SV2C: variants seen among roughly 807,000 people sequenced by gnomAD.
SV2C encodes the protein synaptic vesicle glycoprotein 2C, also known as solute carrier family 22 member B3.
In SV2C, 49 loss-of-function variants were observed where a neutral mutation model predicts 79.7. That is an observed-to-expected ratio of 0.61 (90% confidence interval 0.49 to 0.78). SV2C has a LOEUF of 0.78. SV2C is among the 30% of genes least tolerant of loss of function. The pLI, the probability that SV2C is intolerant of heterozygous loss-of-function variation, is 0.00. For missense variants in SV2C, 833 were observed against 912.9 expected, an observed-to-expected ratio of 0.91 and a Z score of 1.13; for synonymous variants, 334 against 333.2, an observed-to-expected ratio of 1.00 and a Z score of -0.03.
chr5:75,976,508 AG>A, the SV2C span, among the ~76,000 whole-genome samples: 1 of 151,188 alleles, frequency 6.6e-6, no homozygotes, highest in Non-Finnish European at 1.5e-5. Flanking sequence ...TAACAATAAC[AG>A]GCTTTCAGAC....
At chr5:76,338,980 AG>A (rs1161863121) in intron 12 of SV2C, among the ~76,000 whole-genome samples, 1 of 144,518 alleles carries the variant, frequency 6.9e-6, no homozygotes, top group African/African-American at 2.9e-5. Flanking sequence ...AAGTACCCTC[AG>A]GCTTGGGCAT....
Position 76,314,309 on chromosome 5 carries a change from C to T in SV2C, c.2001-11055C>T, listed in dbSNP as rs113624493. Among the ~76,000 whole-genome samples, 68 of 152,316 alleles carry T rather than the reference C, an allele frequency of 4.5e-4. 1 individual carries two copies. The highest frequency in any genetic ancestry group is 3.4e-3 in the Middle Eastern group (1 of 294). ...AGGGAGCACTGGTCTTCAGTCCTCT[C>T]TGCTGTCCTTTGGGTCCCTTTCCAC... On this transcript the variant is annotated intron_variant, in intron 12 of 12. Coordinates refer to ENST00000502798, the MANE Select transcript of SV2C (RefSeq NM_014979.4).
chr5:76,302,176 T>C (rs1299500164), intron 12 of SV2C, among the ~76,000 whole-genome samples: 2 of 152,216 alleles, frequency 1.3e-5, no homozygotes, highest in Non-Finnish European at 2.9e-5. Flanking sequence ...TTAGCCCACA[T>C]TTTAAGTGGC....
chr5:76,127,005 C>T (rs1244702649), intron 1 of SV2C, among the ~76,000 whole-genome samples: 2 of 152,190 alleles, frequency 1.3e-5, no homozygotes, highest in East Asian at 3.9e-4. Flanking sequence ...AACGGATTAG[C>T]CATTATTATT....
chr5:75,966,097 G>A, the SV2C span, among the ~76,000 whole-genome samples: 1 of 152,184 alleles, frequency 6.6e-6, no homozygotes, highest in African/African-American at 2.4e-5. Context: ...TTATTGATTA[G>A]CTGCCTTCAA....
rs748677235 is a variant in SV2C at position 76,209,765 on chromosome 5, C to T, written c.791C>T (p.Ser264Leu). The change falls in exon 4 of 13, where the codon TCG (serine) becomes TTG (leucine). Residue 264 changes from serine to leucine, a missense_variant. Physicochemically the swap from Ser to Leu is moderately radical, Grantham distance 145. Coordinates refer to ENST00000502798, the MANE Select transcript of SV2C (RefSeq NM_014979.4). ...GIGGAIPTVF[S>L]YFAEVLAREK... is the part of the protein sequence containing the mutation. Reference sequence around the variant, plus strand: ...GGAGGAGCCATACCCACTGTGTTCTCGTACTTTGCTGAAGTCCTGGCCCGG... The same window carrying T: ...GGAGGAGCCATACCCACTGTGTTCTTGTACTTTGCTGAAGTCCTGGCCCGG... 4.4e-5 allele frequency: 71 copies of T among 1,614,062 alleles called. 1 individual carries two copies. The highest frequency in any genetic ancestry group is 6.7e-5 in the Admixed American group (4 of 60,004).
chr5:76,232,214 T>C (rs868551428), intron 4 of SV2C, among the ~76,000 whole-genome samples: 1 of 146,146 alleles, frequency 6.8e-6, no homozygotes. Context: ...TTTCATGTGT[T>C]TTTTGGCTGC....
At chr5:75,890,346 A>G in the SV2C span, among the ~76,000 whole-genome samples, 1 of 152,118 alleles carries the variant, frequency 6.6e-6, no homozygotes, top group Non-Finnish European at 1.5e-5. Context: ...GTTATAGTCT[A>G]CAGGATAGTG....
downstream of SV2C, among the ~76,000 whole-genome samples, chr5:76,335,082 C>G (rs1218341737): frequency 6.6e-6 from 1 of 152,190 alleles, no homozygotes. Context: ...ATTTCAGATG[C>G]TTGATTGCCA....
chr5:75,949,647 C>A, the SV2C span, among the ~76,000 whole-genome samples: 1 of 151,990 alleles, frequency 6.6e-6, no homozygotes, highest in Non-Finnish European at 1.5e-5. Flanking sequence ...GGTTTTGCCT[C>A]TTTCTTGGCT....
At chr5:75,895,473 A>G in the SV2C span, among the ~76,000 whole-genome samples, 1 of 152,156 alleles carries the variant, frequency 6.6e-6, no homozygotes, top group Non-Finnish European at 1.5e-5. Context: ...AGTGACATAA[A>G]GTAGTTTAAT....
chr5:75,930,748 A>G, the SV2C span, among the ~76,000 whole-genome samples: 1 of 152,256 alleles, frequency 6.6e-6, no homozygotes, highest in Admixed American at 6.5e-5. Flanking sequence ...AATAAAATCT[A>G]TATTCAAAAG....
the SV2C span, among the ~76,000 whole-genome samples, chr5:75,883,393 T>C: frequency 1.4e-5 from 2 of 144,592 alleles, no homozygotes; most frequent in East Asian, 1.9e-4. Flanking sequence ...CATGCACACG[T>C]ATGTTTATTG....
the SV2C span, among the ~76,000 whole-genome samples, chr5:75,956,097 G>A: frequency 8.0e-3 from 1,129 of 140,942 alleles, 12 homozygotes; most frequent in African/African-American, 0.023. Context: ...ACATGCACAC[G>A]TATGTTTATT....
chr5:75,890,996 G>A, the SV2C span, among the ~76,000 whole-genome samples: 1 of 152,074 alleles, frequency 6.6e-6, no homozygotes. Context: ...TGTTGATTAT[G>A]TAGGGAGGCT....
the SV2C span, among the ~76,000 whole-genome samples, chr5:76,011,449 A>C: frequency 6.6e-6 from 1 of 152,126 alleles, no homozygotes; most frequent in Non-Finnish European, 1.5e-5. Context: ...AGAACTATTT[A>C]TCTCTGAACT....
chr5:76,220,928 T>C (rs912163001), intron 4 of SV2C, among the ~76,000 whole-genome samples: 2 of 152,132 alleles, frequency 1.3e-5, no homozygotes, highest in Non-Finnish European at 2.9e-5. Flanking sequence ...TCCACTTGAA[T>C]CTCATTGGCC....
At chr5:75,986,771 A>C in the SV2C span, among the ~76,000 whole-genome samples, 1 of 151,838 alleles carries the variant, frequency 6.6e-6, no homozygotes, top group Non-Finnish European at 1.5e-5. Context: ...AGTCTCTTGC[A>C]TTTCTTTATG....
chr5:76,116,149 T>C (rs575835140), intron 1 of SV2C, among the ~76,000 whole-genome samples: 4 of 152,354 alleles, frequency 2.6e-5, no homozygotes, highest in South Asian at 2.1e-4. Context: ...TGTATTTTTA[T>C]TGGACAGTCA....
Sources: allele counts gnomAD v4.1 joint callset (sites outside exome capture counted in the v4.1 genomes callset), GRCh38; gene constraint gnomAD v4.1.1; transcripts MANE v1.5; gene names NCBI Gene and HGNC (gene_info 2026-07-23, HGNC 2026-07-21).